FSIP2: variants seen among roughly 807,000 people sequenced by gnomAD.
FSIP2 encodes the protein fibrous sheath-interacting protein 2.
A neutral mutation model predicts 510.5 loss-of-function variants in FSIP2; 367 were observed. That is an observed-to-expected ratio of 0.72 (90% confidence interval 0.66 to 0.78). The LOEUF is 0.78. FSIP2 is among the 30% of genes least tolerant of loss of function. The pLI, the probability that FSIP2 is intolerant of heterozygous loss-of-function variation, is 0.00. For missense variants in FSIP2, 7,594 were observed against 7,901.7 expected, an observed-to-expected ratio of 0.96 and a Z score of 1.48; for synonymous variants, 2,601 against 2,732.2, an observed-to-expected ratio of 0.95 and a Z score of 1.50.
At position 185,833,070 on chromosome 2, in the gene FSIP2, CT is replaced by C. The variant is rs771657221; in HGVS notation, c.20588-18del. The C allele has an allele frequency of 6.2e-7, 1 of 1,607,332 alleles. No individual in the cohort carries two copies. Among genetic ancestry groups the C allele is most frequent in the Non-Finnish European group, 8.5e-7 (1 of 1,175,648 alleles). ...GTTCAAAAATAAAGATATCATTCTT[CT>C]TGTTTACTTTGTCCACAGAAACTCC... On this transcript the variant is annotated intron_variant, in intron 22 of 22. Transcript: ENST00000424728.
rs531868260 is a variant in FSIP2 at position 185,797,004 on chromosome 2, T to C, written c.9868T>C (p.Ser3290Pro). ...AGAAGCAGCATTAAAGCAAGTCTTG[T>C]CATTCATAGAAATGGGAAAAGGTGA... The part of the protein sequence containing the change: ...STEAALKQVL[S>P]FIEMGKGENL... Residue 3290 changes from serine (S) to proline (P), a missense_variant, in exon 16 of 23, where the codon TCA becomes CCA. Transcript: ENST00000424728. 327 of 1,535,246 alleles carry C rather than the reference T, an allele frequency of 2.1e-4. 1 individual carries two copies. The highest frequency in any genetic ancestry group is 2.4e-4 in the Admixed American group (12 of 50,928).
At chr2:185,787,556 G>C (rs1693018287) in intron 15 of FSIP2, among the ~76,000 whole-genome samples, 1 of 151,710 alleles carries the variant, frequency 6.6e-6, no homozygotes, top group South Asian at 2.1e-4. Context: ...GTGTTTACAA[G>C]CTCTATGTTT....
At position 185,793,728 on chromosome 2, in the gene FSIP2, T is replaced by C; in HGVS notation, c.6592T>C (p.Cys2198Arg). Residue 2198 changes from cysteine to arginine, a missense_variant, in exon 16 of 23, where the codon TGT becomes CGT. Physicochemically the swap from Cys to Arg is radical, Grantham distance 180. Transcript: ENST00000424728. ...TTGTGATACGTTTCCAAAAATAGACTGTCAACAGCCTCTTAAGGGGTCAAA... is the reference window on the plus strand; with the variant it reads ...TTGTGATACGTTTCCAAAAATAGACCGTCAACAGCCTCTTAAGGGGTCAAA... ...TFCDTFPKID[C>R]QQPLKGSKTE... 6.5e-7 allele frequency: 1 copy of C among 1,534,554 alleles called. No individual in the cohort carries two copies. Among genetic ancestry groups the C allele is most frequent in the Non-Finnish European group, 8.7e-7 (1 of 1,145,792 alleles).
In FSIP2 at chr2:185,791,422, A is replaced by G; in HGVS notation, c.4286A>G (p.Lys1429Arg). 6.5e-7 allele frequency: 1 copy of G among 1,534,218 alleles called. No individual in the cohort carries two copies. Among genetic ancestry groups the G allele is most frequent in the Non-Finnish European group, 8.7e-7 (1 of 1,145,574 alleles). Residue 1429 changes from lysine to arginine, a missense_variant, in exon 16 of 23, where the codon AAA (lysine) becomes AGA (arginine). Lys to Arg is a conservative substitution (Grantham distance 26, BLOSUM62 2). Coordinates refer to ENST00000424728, the MANE Select transcript of FSIP2 (RefSeq NM_173651.4). ...GGAAACCATATTAAAGAGAATGCAA[A>G]ATTGCAAGTGTTAGAAAGAATTGGG... ...NGGNHIKENA[K>R]LQVLERIGET...
chr2:185,776,105 A>G (rs1692711439), intron 13 of FSIP2, among the ~76,000 whole-genome samples: 1 of 152,084 alleles, frequency 6.6e-6, no homozygotes, highest in South Asian at 2.1e-4. Flanking sequence ...CACTGTCTCT[A>G]CCTAAAGTAC....
chr2:185,806,165 T>C lies in FSIP2; in HGVS notation c.16859T>C (p.Phe5620Ser). 6.3e-7 allele frequency: 1 copy of C among 1,583,376 alleles called. No individual in the cohort carries two copies. Among genetic ancestry groups the C allele is most frequent in the Non-Finnish European group, 8.5e-7 (1 of 1,170,426 alleles). ...KKIDNARESS[F>S]KKDDKLFQLS... ...ATTGACAATGCAAGGGAAAGCTCAT[T>C]TAAAAAAGATGACAAGCTCTTTCAG... Residue 5620 changes from phenylalanine (F) to serine (S), a missense_variant, in exon 17 of 23, where the codon TTT becomes TCT. By Grantham distance (155) the Phe-to-Ser change is radical. Coordinates refer to ENST00000424728, the MANE Select transcript of FSIP2 (RefSeq NM_173651.4).
In FSIP2 at chr2:185,801,689, C is replaced by G; in HGVS notation, c.12383C>G (p.Pro4128Arg). 6.5e-7 allele frequency: 1 copy of G among 1,527,268 alleles called. No homozygotes were observed. The highest frequency in any genetic ancestry group is 8.7e-7 in the Non-Finnish European group (1 of 1,143,208). The allele number at this position is 1,527,268 out of a possible 1,614,324, so 94.6% of individuals were successfully genotyped here. A position where few individuals can be genotyped will look rare whatever the true frequency, so the allele number is the denominator to read the frequency against. Residue 4128 changes from proline to arginine, a missense_variant, in exon 17 of 23, where the codon CCC (proline) becomes CGC (arginine). Physicochemically the swap from Pro to Arg is moderately radical, Grantham distance 103. Transcript: ENST00000424728. ...QSNLTEFTSL[P>R]RSSSDYSTML... The stretch of plus-strand genomic sequence containing the variant: ...AACCTAACAGAATTTACTTCTCTAC[C>G]CAGGTCTTCATCAGACTATAGTACC...
chr2:185,801,337 G>C lies in FSIP2; in HGVS notation c.12031G>C (p.Val4011Leu). ...GCTCAATGAGATGAATACATTATTT[G>C]TCAACAATGTAGTGAATGAATTTAA... ...SWLNEMNTLF[V>L]NNVVNEFNNA... The change falls in exon 17 of 23, where the codon GTC becomes CTC. Residue 4011 changes from valine to leucine, a missense_variant. Physicochemically the swap from Val to Leu is conservative, Grantham distance 32 (BLOSUM62 1). Coordinates refer to ENST00000424728, the MANE Select transcript of FSIP2 (RefSeq NM_173651.4). 6.5e-7 allele frequency: 1 copy of C among 1,533,728 alleles called. No individual in the cohort carries two copies. The highest frequency in any genetic ancestry group is 8.7e-7 in the Non-Finnish European group (1 of 1,145,310).
chr2:185,814,816 T>A (rs1401805954), intron 18 of FSIP2, among the ~76,000 whole-genome samples: 1 of 152,090 alleles, frequency 6.6e-6, no homozygotes, highest in Non-Finnish European at 1.5e-5. Context: ...ATAACATGTT[T>A]TTGGAGAATA....
chr2:185,806,112 A>G lies in FSIP2; in HGVS notation c.16806A>G (p.Ser5602=). 1 of 1,575,672 alleles carries G rather than the reference A, an allele frequency of 6.3e-7. No homozygotes were observed. The highest frequency in any genetic ancestry group is 8.6e-7 in the Non-Finnish European group (1 of 1,167,596). The change falls in exon 17 of 23, where the codon TCA becomes TCG. Residue 5602 remains serine, a synonymous_variant. Coordinates refer to ENST00000424728, the MANE Select transcript of FSIP2 (RefSeq NM_173651.4). ...DTEYEKEVLG[S]DSEIGYKKKI... is the part of the protein sequence containing the mutation. ...AATATGAGAAGGAAGTACTTGGATC[A>G]GATTCTGAAATAGGCTATAAAAAGA...
intron 19 of FSIP2, among the ~76,000 whole-genome samples, chr2:185,823,598 C>G (rs186381133): frequency 6.6e-6 from 1 of 151,634 alleles, no homozygotes; most frequent in East Asian, 2.0e-4. Context: ...AAAACAAGTA[C>G]TGGTAGGGAT....
Position 185,753,719 on chromosome 2 carries a change from T to G in FSIP2, c.871-3T>G, listed in dbSNP as rs12466851. ...AACCAATATATTTTCTTTAATATTG[T>G]AGAAACAAGATCTTCTAGAGAAAAA... On this transcript the variant is annotated splice_polypyrimidine_tract_variant and splice_region_variant and intron_variant, in intron 7 of 22. Transcript: ENST00000424728. 8.9e-7 allele frequency: 1 copy of G among 1,129,904 alleles called. No individual in the cohort carries two copies. Among genetic ancestry groups the G allele is most frequent in the Non-Finnish European group, 1.2e-6 (1 of 806,262 alleles). 70.0% of individuals were successfully genotyped at this position (1,129,904 alleles called of 1,614,324 possible). A position where few individuals can be genotyped will look rare whatever the true frequency, so the allele number is the denominator to read the frequency against.
At chr2:185,810,797 A>G (rs1693712883) in intron 17 of FSIP2, among the ~76,000 whole-genome samples, 1 of 151,982 alleles carries the variant, frequency 6.6e-6, no homozygotes, top group Admixed American at 6.6e-5. Context: ...GAGAGTTTGG[A>G]ACTTCTTAGA....
At position 185,794,190 on chromosome 2, in the gene FSIP2, G is replaced by A. The variant is rs1693211825; in HGVS notation, c.7054G>A (p.Ala2352Thr). ...ATCGCAAGCTAGGCTTAAGACATAT[G>A]CTGACGTCATTGCCAGTGCCATTTT... is the stretch of plus-strand genomic sequence containing the variant. Reference protein sequence around the residue: ...HLSQARLKTYADVIASAILKL... With the variant: ...HLSQARLKTYTDVIASAILKL... Residue 2352 changes from alanine (A) to threonine (T), a missense_variant, in exon 16 of 23, where the codon GCT becomes ACT. Transcript: ENST00000424728. 1 of 1,534,726 alleles carries A rather than the reference G, an allele frequency of 6.5e-7. No homozygotes were observed. The highest frequency in any genetic ancestry group is 8.7e-7 in the Non-Finnish European group (1 of 1,145,934).
intron 13 of FSIP2, among the ~76,000 whole-genome samples, chr2:185,774,503 C>CTAAT (rs78094011): frequency 0.31 from 47,400 of 151,552 alleles, 7,664 homozygotes; most frequent in Middle Eastern, 0.4. Context: ...ATATAGTCTT[C>CTAAT]TAATTTTCTG....
Position 185,803,678 on chromosome 2 carries a change from A to G in FSIP2, c.14372A>G (p.His4791Arg). ...ASTMYTTMLS[H>R]SHLEKIVTQL... ...ACAATGTATACCACTATGTTATCAC[A>G]TAGTCATTTGGAAAAAATAGTTACT... Residue 4791 changes from histidine to arginine, a missense_variant, in exon 17 of 23, where the codon CAT (histidine) becomes CGT (arginine). Transcript: ENST00000424728. The G allele has an allele frequency of 6.5e-7, 1 of 1,532,016 alleles. No homozygotes were observed. The highest frequency in any genetic ancestry group is 8.7e-7 in the Non-Finnish European group (1 of 1,144,192). 94.9% of individuals were successfully genotyped at this position (1,532,016 alleles called of 1,614,324 possible).
rs994431183 is a variant in FSIP2, at chr2:185,828,046, A to G, written c.20474-110A>G. 31 of 673,196 alleles carry G rather than the reference A, an allele frequency of 4.6e-5. No homozygotes were observed. The Admixed American group carries it at 7.2e-4, about 16-fold the overall frequency. 41.7% of individuals were successfully genotyped at this position (673,196 alleles called of 1,614,324 possible). A position where few individuals can be genotyped will look rare whatever the true frequency, so the allele number is the denominator to read the frequency against. On this transcript the variant is annotated intron_variant, in intron 20 of 22. Coordinates refer to ENST00000424728, the MANE Select transcript of FSIP2 (RefSeq NM_173651.4). ...AAATAACAACTTCTTCGACCTGCCT[A>G]AACTATATGATTCTTTGGTGAAAAA...
chr2:185,790,631 A>C lies in FSIP2; in HGVS notation c.3495A>C (p.Thr1165=), dbSNP rs1418175194. ...TGTTTTCTGTTTCAGAAATCAGTAC[A>C]GTGGCTCAAGAAATAACAGATTCTG... The part of the protein sequence containing the change: ...DQMFSVSEIS[T]VAQEITDSVL... Residue 1165 remains threonine, a synonymous_variant, in exon 16 of 23, where the codon ACA becomes ACC. Transcript: ENST00000424728. 1.3e-6 allele frequency: 2 copies of C among 1,534,114 alleles called. No homozygotes were observed. The highest frequency in any genetic ancestry group is 1.7e-6 in the Non-Finnish European group (2 of 1,145,456).
Position 185,756,218 on chromosome 2 carries a change from T to A in FSIP2, c.1018T>A (p.Ser340Thr). 1 of 1,320,314 alleles carries A rather than the reference T, an allele frequency of 7.6e-7. No individual in the cohort carries two copies. The highest frequency in any genetic ancestry group is 1.4e-5 in the South Asian group (1 of 72,882). The allele number at this position is 1,320,314 out of a possible 1,614,324, so 81.8% of individuals were successfully genotyped here. A position where few individuals can be genotyped will look rare whatever the true frequency, so the allele number is the denominator to read the frequency against. Residue 340 changes from serine (S) to threonine (T), a missense_variant, in exon 9 of 23, where the codon TCT becomes ACT. Coordinates refer to ENST00000424728, the MANE Select transcript of FSIP2 (RefSeq NM_173651.4). ...TTCTCCAAAGAATAAAAAGAAGACT[T>A]CTGAAGATATAATGTTAGTTTATCC... The part of the protein sequence containing the change: ...HASPKNKKKT[S>T]EDIMLVYPAG...
Sources: allele counts gnomAD v4.1 joint callset (sites outside exome capture counted in the v4.1 genomes callset), GRCh38; gene constraint gnomAD v4.1.1; transcripts MANE v1.5; gene names NCBI Gene and HGNC (gene_info 2026-07-23, HGNC 2026-07-21).